NIN: variants seen among roughly 807,000 people sequenced by gnomAD.
NIN encodes the protein glycogen synthase kinase 3 beta-interacting protein.
Under a neutral mutation model 257.6 loss-of-function variants are expected in NIN, and 137 were observed. The observed-to-expected ratio is 0.53, with a 90% CI of 0.46 to 0.61. The LOEUF is 0.61. Ranked by LOEUF, NIN falls within the 20% of genes least tolerant of loss-of-function variation. The pLI, the probability that NIN is intolerant of heterozygous loss-of-function variation, is 0.00. For synonymous variants in NIN, 918 were observed against 919.8 expected, an observed-to-expected ratio of 1.00 and a Z score of 0.04; for missense variants, 2,439 against 2,501.2, an observed-to-expected ratio of 0.98 and a Z score of 0.53.
At position 50,777,109 on chromosome 14, in the gene NIN, A is replaced by C; in HGVS notation, c.506T>G (p.Leu169Trp). 6.2e-7 allele frequency: 1 copy of C among 1,612,750 alleles called. No individual in the cohort carries two copies. Among genetic ancestry groups the C allele is most frequent in the Non-Finnish European group, 8.5e-7 (1 of 1,179,440 alleles). ...GQLRFWNPDDLNASQSGSSPP... is the reference protein window; with the variant it reads ...GQLRFWNPDDWNASQSGSSPP... ...GGAAGATCCACTCTGTGAAGCATTC[A>C]AGTCATCTGGGTTCCAAAACCTTAA... Residue 169 changes from leucine to tryptophan, a missense_variant, in exon 7 of 31, where the codon TTG becomes TGG. Leu to Trp is a moderately conservative substitution (Grantham distance 61, BLOSUM62 -2). Transcript: ENST00000530997.
chr14:50,792,548 C>T (rs761203240), intron 5 of NIN, 164 bp downstream of exon 5: 1 of 695,694 alleles, frequency 1.4e-6, no homozygotes, highest in Admixed American at 2.9e-5. Flanking sequence ...AAGATAGAAA[C>T]ATTATATATG....
Position 50,721,551 on chromosome 14 carries a change from T to C in NIN, c.*1912A>G, listed in dbSNP as rs2040270979. ...CCTTAGCCTAGGCCAATCCACAGTT[T>C]TAAGTGAAACAATTTTCTGTGAAAG... is the stretch of plus-strand genomic sequence containing the variant. On this transcript the variant is annotated 3_prime_UTR_variant, in exon 31 of 31. Coordinates refer to ENST00000530997, the MANE Select transcript of NIN (RefSeq NM_020921.4). The C allele has an allele frequency of 4.6e-6, 1 of 217,890 alleles. No individual in the cohort carries two copies. The highest frequency in any genetic ancestry group is 1.8e-4 in the South Asian group (1 of 5,410). 13.5% of individuals were successfully genotyped at this position (217,890 alleles called of 1,614,324 possible).
chr14:50,820,155 A>G (rs1004337021), intron 3 of NIN, among the ~76,000 whole-genome samples: 1 of 152,212 alleles, frequency 6.6e-6, no homozygotes, highest in Non-Finnish European at 1.5e-5. Context: ...CATCTATTTA[A>G]CTTTTATCAC....
chr14:50,747,878 C>T, intron 22 of NIN, 114 bp downstream of exon 22: 1 of 710,250 alleles, frequency 1.4e-6, no homozygotes, highest in Non-Finnish European at 2.5e-6. Context: ...AGCTACCAAG[C>T]TAGTTGACAG....
chr14:50,808,517 T>C (rs902783462), intron 3 of NIN, among the ~76,000 whole-genome samples: 11 of 152,338 alleles, frequency 7.2e-5, no homozygotes, highest in African/African-American at 1.9e-4. Context: ...CTGATGTGAA[T>C]TGGAGACATT....
chr14:50,727,315 C>T (rs1434242304), intron 29 of NIN: 1 of 983,618 alleles, frequency 1.0e-6, no homozygotes, highest in Non-Finnish European at 1.2e-6. Flanking sequence ...AGTATAAATA[C>T]CCCTGGTTTT....
In NIN at chr14:50,801,987, C is replaced by T. The variant is rs2044122836; in HGVS notation, c.265+4750G>A. Among the ~76,000 whole-genome samples the T allele has an allele frequency of 2.0e-5, 3 of 152,188 alleles. No homozygotes were observed. The South Asian group carries it at 6.2e-4, about 32-fold the overall frequency. On this transcript the variant is annotated intron_variant, in intron 4 of 30. Coordinates refer to ENST00000530997, the MANE Select transcript of NIN (RefSeq NM_020921.4). Reference sequence around the variant, plus strand: ...AAGATGCATCAAATGAGGACAAAATCTCTGGAGAGAGGATCCAGCTGGCAT... The same window carrying T: ...AAGATGCATCAAATGAGGACAAAATTTCTGGAGAGAGGATCCAGCTGGCAT...
At chr14:50,736,288 G>A (rs762631782) in intron 27 of NIN, among the ~76,000 whole-genome samples, 1 of 151,688 alleles carries the variant, frequency 6.6e-6, no homozygotes, top group Non-Finnish European at 1.5e-5. Flanking sequence ...GTGCACCACT[G>A]CACCCAGCTA....
chr14:50,744,139 A>G, intron 23 of NIN, 104 bp downstream of exon 23: 1 of 1,273,356 alleles, frequency 7.9e-7, no homozygotes. Flanking sequence ...ACACTCTGGA[A>G]CAACAGACTA....
At chr14:50,765,597 A>T (rs550340540) in intron 14 of NIN, among the ~76,000 whole-genome samples, 5 of 152,160 alleles carry the variant, frequency 3.3e-5, no homozygotes, top group African/African-American at 9.6e-5. Context: ...GAATTTTTTT[A>T]AAATCAAAGA....
chr14:50,764,045 AT>A (rs2042379814), intron 14 of NIN, 81 bp from the exon 15 acceptor site: 1 of 1,273,500 alleles, frequency 7.9e-7, no homozygotes, highest in Non-Finnish European at 1.1e-6. Context: ...GATAAATTGG[AT>A]ATCATCAAAA....
chr14:50,749,791 G>A (rs1262562780), intron 21 of NIN, among the ~76,000 whole-genome samples: 1 of 152,124 alleles, frequency 6.6e-6, no homozygotes, highest in Non-Finnish European at 1.5e-5. Context: ...CCAGGCTCAA[G>A]CGATTCTCCT....
chr14:50,733,278 A>C (rs1410491871), intron 28 of NIN, among the ~76,000 whole-genome samples: 1 of 151,998 alleles, frequency 6.6e-6, no homozygotes, highest in Non-Finnish European at 1.5e-5. Context: ...TTTTTAGTAG[A>C]GATGAGGTTT....
chr14:50,720,056 T>C lies in NIN; in HGVS notation c.*3407A>G. On this transcript the variant is annotated 3_prime_UTR_variant, in exon 31 of 31. Coordinates refer to ENST00000530997, the MANE Select transcript of NIN (RefSeq NM_020921.4). The stretch of plus-strand genomic sequence containing the variant: ...CTTAACTTGTATTGCCCAAAAAAGC[T>C]GAGAAGCAAAAAGCTAACTTTGATT... 9.1e-6 allele frequency: 2 copies of C among 219,150 alleles called. No homozygotes were observed. The highest frequency in any genetic ancestry group is 1.3e-4 in the East Asian group (2 of 14,914). 13.6% of individuals were successfully genotyped at this position (219,150 alleles called of 1,614,324 possible). A position where few individuals can be genotyped will look rare whatever the true frequency, so the allele number is the denominator to read the frequency against.
At chr14:50,755,590 A>T (rs1355273636) in intron 18 of NIN, among the ~76,000 whole-genome samples, 2 of 150,666 alleles carry the variant, frequency 1.3e-5, no homozygotes, top group African/African-American at 2.4e-5. Context: ...ATTTATTAGA[A>T]TCTGGAGGCT....
intron 6 of NIN, among the ~76,000 whole-genome samples, chr14:50,778,265 A>G (rs2042996264): frequency 6.6e-6 from 1 of 152,106 alleles, no homozygotes; most frequent in Non-Finnish European, 1.5e-5. Context: ...ACAGCCTCCA[A>G]CTCTCGGGCT....
intron 4 of NIN, among the ~76,000 whole-genome samples, chr14:50,799,695 G>A (rs1013800037): frequency 2.0e-5 from 3 of 152,190 alleles, no homozygotes; most frequent in African/African-American, 7.2e-5. Context: ...CACTAAGGTT[G>A]AAATAAAATA....
intron 3 of NIN, among the ~76,000 whole-genome samples, chr14:50,816,046 A>G (rs1161655892): frequency 4.6e-5 from 7 of 152,182 alleles, no homozygotes; most frequent in Non-Finnish European, 1.0e-4. Flanking sequence ...TGTCCTTTGC[A>G]AGACATAGAT....
rs751833785 is a variant in NIN, at chr14:50,758,333, T to C, written c.2697A>G (p.Lys899=). Residue 899 remains lysine (K), a synonymous_variant, in exon 18 of 31, where the codon AAA becomes AAG. Coordinates refer to ENST00000530997, the MANE Select transcript of NIN (RefSeq NM_020921.4). Reference sequence around the variant, plus strand: ...TGCTGTTCAAATGTTCTTTGTATGTTTTCTCCAGCATCTCTCTCTCCTGGG... The same window carrying C: ...TGCTGTTCAAATGTTCTTTGTATGTCTTCTCCAGCATCTCTCTCTCCTGGG... ...VLTQEREMLE[K]TYKEHLNSMV... 2 of 1,614,274 alleles carry C rather than the reference T, an allele frequency of 1.2e-6. No homozygotes were observed. Among genetic ancestry groups the C allele is most frequent in the South Asian group, 2.2e-5 (2 of 91,092 alleles).
Sources: allele counts gnomAD v4.1 joint callset (sites outside exome capture counted in the v4.1 genomes callset), GRCh38; gene constraint gnomAD v4.1.1; transcripts MANE v1.5; gene names NCBI Gene and HGNC (gene_info 2026-07-23, HGNC 2026-07-21).